DAB1: variants seen among roughly 807,000 people sequenced by gnomAD.
DAB1 encodes the protein DAB adaptor protein 1.
DAB1 carries 15 observed loss-of-function variants against 64.6 expected under a neutral mutation model. The ratio of observed to expected loss-of-function variants is 0.23; its 90% CI spans 0.16 to 0.36. The LOEUF (loss-of-function observed/expected upper bound fraction) is 0.36, where lower values mean the gene tolerates loss of function less well. Among genes scored for constraint, DAB1 ranks in the 10% least tolerant of loss-of-function variants. DAB1 has a pLI of 1.00. For missense variants in DAB1, 596 were observed against 706.7 expected (o/e 0.84, Z 1.78); for synonymous variants, 235 against 251.9 (o/e 0.93, Z 0.64).
chr1:58,197,667 T>C (rs1657760363), intron 4 of DAB1, among the ~76,000 whole-genome samples: 1 of 151,412 alleles, frequency 6.6e-6, no homozygotes, highest in African/African-American at 2.4e-5. Context: ...GTTCTGGGAT[T>C]ACAGGCATGA....
At chr1:57,629,725 T>C in intron 7 of DAB1, among the ~76,000 whole-genome samples, 1 of 111,166 alleles carries the variant, frequency 9.0e-6, no homozygotes, top group Admixed American at 1.1e-4. Flanking sequence ...TCCAGGTAGC[T>C]CAAGAACTTG....
chr1:58,048,743 G>C (rs1269031792), intron 5 of DAB1: 5 of 1,295,890 alleles, frequency 3.9e-6, no homozygotes, highest in Non-Finnish European at 4.4e-6. Flanking sequence ...GCCATCTCTT[G>C]CTTTGACAGG....
chr1:57,071,603 T>C lies in DAB1; in HGVS notation c.477A>G (p.Gln159=). ...PVILDLRDLF[Q]LIYELKQREE... ...CTCTTTGCTTCAATTCATAAATGAG[T>C]TGAAAGAGATCTCTCAAGTCCAGAA... Residue 159 remains glutamine (Q), a synonymous_variant, in exon 6 of 15, where the codon CAA becomes CAG. Transcript: ENST00000371236. 6.2e-7 allele frequency: 1 copy of C among 1,613,698 alleles called. No individual in the cohort carries two copies. Among genetic ancestry groups the C allele is most frequent in the Non-Finnish European group, 8.5e-7 (1 of 1,179,830 alleles).
At chr1:58,201,765 A>G (rs759267888) in intron 4 of DAB1, among the ~76,000 whole-genome samples, 1 of 152,134 alleles carries the variant, frequency 6.6e-6, no homozygotes, top group Non-Finnish European at 1.5e-5. Context: ...CATTTTCTCA[A>G]CATTTCATGG....
At chr1:58,503,896 A>C (rs576154463) in intron 3 of DAB1, among the ~76,000 whole-genome samples, 1 of 152,352 alleles carries the variant, frequency 6.6e-6, no homozygotes, top group African/African-American at 2.4e-5. Context: ...AATGCTCACA[A>C]AAGGCACGAA....
chr1:58,029,198 G>C (rs1646937198), intron 5 of DAB1, among the ~76,000 whole-genome samples: 1 of 152,208 alleles, frequency 6.6e-6, no homozygotes, highest in Non-Finnish European at 1.5e-5. Context: ...TGTCTGGGTA[G>C]CCCTTATCCC....
At chr1:57,999,755 T>G (rs1053815590) in intron 5 of DAB1, among the ~76,000 whole-genome samples, 1 of 151,806 alleles carries the variant, frequency 6.6e-6, no homozygotes, top group African/African-American at 2.4e-5. Context: ...GAAACCCTGG[T>G]CTACAGCTTT....
At chr1:58,255,439 TC>T (rs1660907328) in intron 4 of DAB1, among the ~76,000 whole-genome samples, 1 of 151,974 alleles carries the variant, frequency 6.6e-6, no homozygotes, top group African/African-American at 2.4e-5. Flanking sequence ...TCTCTCTCTC[TC>T]TCTCTCTCTC....
intron 5 of DAB1, among the ~76,000 whole-genome samples, chr1:57,974,806 C>G (rs1645881150): frequency 6.6e-6 from 1 of 152,040 alleles, no homozygotes; most frequent in Non-Finnish European, 1.5e-5. Context: ...TACAAAAATA[C>G]TCCATACATG....
chr1:57,450,779 T>G (rs1428238402), intron 7 of DAB1, among the ~76,000 whole-genome samples: 1 of 152,190 alleles, frequency 6.6e-6, no homozygotes, highest in Non-Finnish European at 1.5e-5. Flanking sequence ...AACAATGAAC[T>G]TCAACTTACT....
At chr1:57,386,416 G>A (rs1266972972) in intron 1 of DAB1, among the ~76,000 whole-genome samples, 1 of 149,936 alleles carries the variant, frequency 6.7e-6, no homozygotes, top group Non-Finnish European at 1.5e-5. Flanking sequence ...ATAAACACGG[G>A]ACAGAATCCT....
intron 6 of DAB1, among the ~76,000 whole-genome samples, chr1:57,757,121 CTA>C (rs538228362): frequency 3.3e-4 from 50 of 150,932 alleles, no homozygotes; most frequent in Non-Finnish European, 6.2e-4. Context: ...GATTCTGATT[CTA>C]TAGGTTTGGA....
chr1:57,915,554 C>T (rs1644713594), intron 5 of DAB1, among the ~76,000 whole-genome samples: 1 of 150,360 alleles, frequency 6.7e-6, no homozygotes, highest in Non-Finnish European at 1.5e-5. Context: ...AAGCTGGCAG[C>T]CTTGCTTTCA....
intron 6 of DAB1, among the ~76,000 whole-genome samples, chr1:57,724,421 T>C (rs1647185003): frequency 6.6e-6 from 1 of 152,062 alleles, no homozygotes; most frequent in African/African-American, 2.4e-5. Context: ...ATCCTGCCCT[T>C]AGTCACTGGG....
chr1:58,454,595 T>C (rs1030450370), intron 3 of DAB1, among the ~76,000 whole-genome samples: 17 of 152,082 alleles, frequency 1.1e-4, no homozygotes, highest in Non-Finnish European at 2.1e-4. Context: ...GGAACCCACG[T>C]CCGAGGGCCA....
chr1:58,054,900 C>G (rs1275888894), intron 5 of DAB1, among the ~76,000 whole-genome samples: 1 of 152,212 alleles, frequency 6.6e-6, no homozygotes, highest in African/African-American at 2.4e-5. Context: ...AACCCGCTGT[C>G]AAGCAATGGT....
chr1:57,318,155 C>A (rs1265474893), intron 1 of DAB1, among the ~76,000 whole-genome samples: 212 of 103,360 alleles, frequency 2.1e-3, no homozygotes, highest in South Asian at 2.6e-3. Context: ...AGCTGCAACT[C>A]AAAAAAAAAA....
intron 5 of DAB1, among the ~76,000 whole-genome samples, chr1:58,132,240 G>C (rs891366789): frequency 6.6e-6 from 1 of 152,256 alleles, no homozygotes; most frequent in African/African-American, 2.4e-5. Flanking sequence ...GTCCGTCAGC[G>C]ATTTCTTTGA....
chr1:57,585,846 T>C (rs993706389), intron 7 of DAB1, among the ~76,000 whole-genome samples: 1 of 152,224 alleles, frequency 6.6e-6, no homozygotes, highest in Admixed American at 6.5e-5. Flanking sequence ...CAAGTATATA[T>C]GCCAAACACT....
Sources: gnomAD v4.1 joint callset for allele counts (sites outside exome capture counted in the v4.1 genomes callset) on GRCh38, gnomAD v4.1.1 for gene constraint, MANE v1.5 for transcripts, NCBI Gene and HGNC (gene_info 2026-07-23, HGNC 2026-07-21) for gene names.